Variants in SNX24 observed in about 807,000 individuals in gnomAD.
The protein encoded by SNX24 is sorting nexin-24.
In SNX24, 22 loss-of-function variants were observed where a neutral mutation model predicts 28.7. That is an observed-to-expected ratio of 0.77 (90% CI 0.55 to 1.10). The LOEUF (loss-of-function observed/expected upper bound fraction) is 1.10. Among genes scored for constraint, SNX24 ranks in the 50% least tolerant of loss-of-function variants. SNX24 has a pLI of 0.00. For missense variants in SNX24, 221 were observed against 201.1 expected (o/e 1.10, Z -0.60); for synonymous variants, 69 against 71.5 (o/e 0.96, Z 0.18).
intron 1 of SNX24, among the ~76,000 whole-genome samples, chr5:122,915,905 C>T (rs994736291): frequency 1.3e-5 from 2 of 152,224 alleles, no homozygotes; most frequent in African/African-American, 4.8e-5. Context: ...GTCAACTCCC[C>T]CCAGGCTTCA....
intron 1 of SNX24, among the ~76,000 whole-genome samples, chr5:122,873,848 T>C (rs152040): frequency 0.81 from 121,042 of 150,280 alleles, 49,474 homozygotes; most frequent in East Asian, 0.99. Context: ...TTACTGCAAC[T>C]TCCACCTCCC....
At chr5:122,863,557 A>T (rs150718924) in intron 1 of SNX24, among the ~76,000 whole-genome samples, 4 of 151,472 alleles carry the variant, frequency 2.6e-5, no homozygotes, top group African/African-American at 9.7e-5. Context: ...GGAGGAGACA[A>T]GGTCTTACTT....
At chr5:123,023,805 A>C in intron 5 of SNX24, 1 of 1,236,708 alleles carries the variant, frequency 8.1e-7, no homozygotes, top group African/African-American at 2.2e-5. Context: ...GAAAGACAAC[A>C]CAACACACAC....
intron 4 of SNX24, among the ~76,000 whole-genome samples, chr5:123,000,453 A>G (rs78924969): frequency 0.024 from 3,720 of 152,328 alleles, 140 homozygotes; most frequent in African/African-American, 0.071. Flanking sequence ...ACAGAGACAC[A>G]GGAATTTAAT....
intron 2 of SNX24, 86 bp from the exon 3 acceptor site, chr5:122,945,969 G>T: frequency 8.0e-6 from 5 of 625,008 alleles, no homozygotes; most frequent in East Asian, 3.1e-5. Flanking sequence ...TCTTTTATTG[G>T]CCTTTTTTCC....
chr5:122,915,871 C>G (rs1381748925), intron 1 of SNX24, among the ~76,000 whole-genome samples: 2 of 152,234 alleles, frequency 1.3e-5, no homozygotes, highest in East Asian at 3.8e-4. Flanking sequence ...GACCTTTCCT[C>G]TTTGTTTTGT....
chr5:122,943,466 A>T (rs1173727347), intron 2 of SNX24, among the ~76,000 whole-genome samples: 3 of 150,838 alleles, frequency 2.0e-5, no homozygotes, highest in Non-Finnish European at 3.0e-5. Context: ...GATGGAAGCT[A>T]CTCCCCCTCT....
At chr5:122,939,388 TTA>T (rs1759339469) in intron 2 of SNX24, among the ~76,000 whole-genome samples, 2 of 152,228 alleles carry the variant, frequency 1.3e-5, no homozygotes, top group Admixed American at 1.3e-4. Context: ...AATTATCTAT[TTA>T]TGTGCTTTCT....
Position 122,936,816 on chromosome 5 carries a change from A to G in SNX24, c.143A>G (p.Lys48Arg), listed in dbSNP as rs201364674. 1.7e-5 allele frequency: 27 copies of G among 1,599,294 alleles called. No individual in the cohort carries two copies. The Admixed American group carries it at 1.8e-4, about 11-fold the overall frequency. Residue 48 changes from lysine to arginine, a missense_variant and splice_region_variant, in exon 2 of 7, where the codon AAG (lysine) becomes AGG (arginine). Lys to Arg is a conservative substitution (Grantham distance 26). Coordinates refer to ENST00000261369, the MANE Select transcript of SNX24 (RefSeq NM_014035.4). ...RYSEFHALHK[K>R]LKKCIKTPEI... ...AGCGAATTTCATGCTTTGCACAAAA[A>G]GGTAACTTGTTTTCTGTTTTTTTGT...
intron 1 of SNX24, among the ~76,000 whole-genome samples, chr5:122,881,604 T>C (rs1756483429): frequency 6.6e-6 from 1 of 152,218 alleles, no homozygotes; most frequent in Admixed American, 6.5e-5. Context: ...CGTGCTTGAC[T>C]CTGGGCAGTT....
intron 3 of SNX24, among the ~76,000 whole-genome samples, chr5:122,979,099 T>G (rs1029613559): frequency 1.3e-5 from 2 of 152,160 alleles, no homozygotes; most frequent in African/African-American, 4.8e-5. Flanking sequence ...TTTCACAGGT[T>G]ACAATAGTAG....
chr5:122,959,749 TTGTC>T (rs1234853687), intron 3 of SNX24, among the ~76,000 whole-genome samples: 2 of 152,102 alleles, frequency 1.3e-5, no homozygotes, highest in African/African-American at 4.8e-5. Flanking sequence ...AGCAGCTACA[TTGTC>T]TGGGGTAAAT....
chr5:122,916,189 C>T lies in SNX24; in HGVS notation c.61-20545C>T, dbSNP rs1181197864. Among the ~76,000 whole-genome samples the T allele has an allele frequency of 2.6e-5, 4 of 152,220 alleles. No individual in the cohort carries two copies. The South Asian group carries it at 8.3e-4, about 32-fold the overall frequency. On this transcript the variant is annotated intron_variant, in intron 1 of 6. Transcript: ENST00000261369. The stretch of plus-strand genomic sequence containing the variant: ...AATATCAGAATTAAGACAAAACACA[C>T]AGACTTTCCACTGTATCTGGTTTTT...
intron 1 of SNX24, among the ~76,000 whole-genome samples, chr5:122,902,272 C>T (rs943038836): frequency 3.3e-5 from 5 of 152,190 alleles, no homozygotes; most frequent in African/African-American, 1.2e-4. Context: ...GAAGGTCAGA[C>T]TTGTAGGTGT....
At chr5:122,853,661 T>G in intron 1 of SNX24, 1 of 374,458 alleles carries the variant, frequency 2.7e-6, no homozygotes, top group Non-Finnish European at 5.5e-6. Flanking sequence ...TTTAAAAAAT[T>G]TTTTTCGTAC....
intron 3 of SNX24, among the ~76,000 whole-genome samples, chr5:122,998,731 G>C (rs2150173819): frequency 6.6e-6 from 1 of 152,300 alleles, no homozygotes; most frequent in Non-Finnish European, 1.5e-5. Flanking sequence ...TACAAAACCT[G>C]ATGAGGAATT....
intron 3 of SNX24, among the ~76,000 whole-genome samples, chr5:122,947,157 CA>C (rs1224150450): frequency 6.6e-6 from 1 of 152,154 alleles, no homozygotes; most frequent in African/African-American, 2.4e-5. Context: ...TTACATCAAA[CA>C]AATCAGCAGC....
chr5:122,956,118 C>T (rs771757546), intron 3 of SNX24, among the ~76,000 whole-genome samples: 17 of 151,650 alleles, frequency 1.1e-4, no homozygotes, highest in East Asian at 1.9e-4. Flanking sequence ...TCCAAGTCTG[C>T]GATATATAAG....
At chr5:122,918,692 T>C (rs1028404683) in intron 1 of SNX24, among the ~76,000 whole-genome samples, 6 of 152,176 alleles carry the variant, frequency 3.9e-5, no homozygotes, top group Non-Finnish European at 1.5e-5. Context: ...GATGATCTAA[T>C]TTAACATTCT....
Sources: allele counts gnomAD v4.1 joint callset (sites outside exome capture counted in the v4.1 genomes callset), GRCh38; gene constraint gnomAD v4.1.1; transcripts MANE v1.5; gene names NCBI Gene and HGNC (gene_info 2026-07-23, HGNC 2026-07-21).